Variants in ARHGAP20 observed in about 807,000 individuals in gnomAD.
The protein encoded by ARHGAP20 is rho GTPase-activating protein 20.
A neutral mutation model predicts 73.7 loss-of-function variants in ARHGAP20; 34 were observed. The ratio of observed to expected loss-of-function variants is 0.46; its 90% CI spans 0.35 to 0.61. The LOEUF (loss-of-function observed/expected upper bound fraction) is 0.61. Among genes scored for constraint, ARHGAP20 ranks in the 20% least tolerant of loss-of-function variants. The pLI is 0.00. For synonymous variants in ARHGAP20, 523 were observed against 518.2 expected (o/e 1.01, Z -0.13); for missense variants, 1,314 against 1,420.9 (o/e 0.92, Z 1.21).
At chr11:110,586,165 A>G (rs1344624170) in intron 12 of ARHGAP20, 51 bp downstream of exon 12, 3 of 960,084 alleles carry the variant, frequency 3.1e-6, no homozygotes, top group East Asian at 6.0e-5. Flanking sequence ...AAATAATCTT[A>G]TAAAATATTT....
chr11:110,711,608 C>T, intron 1 of ARHGAP20: 1 of 1,485,824 alleles, frequency 6.7e-7, no homozygotes, highest in Non-Finnish European at 8.9e-7. Flanking sequence ...CGCGCCTCGG[C>T]GGGCAGGTGA....
intron 2 of ARHGAP20, among the ~76,000 whole-genome samples, chr11:110,637,633 T>C (rs930496641): frequency 6.6e-6 from 1 of 152,118 alleles, no homozygotes. Context: ...GTGCCAGGCA[T>C]AGGAACTAGA....
In ARHGAP20 at chr11:110,711,536, G is replaced by C. The variant is rs932675323; in HGVS notation, c.105+591C>G. ...CACCTGGGAGACCCGGAATCATCCA[G>C]GACCCTGGTGTGGGGGGCAGTACTC... On this transcript the variant is annotated intron_variant, in intron 1 of 14. Coordinates refer to ENST00000683387, the MANE Select transcript of ARHGAP20 (RefSeq NM_001384657.1). The C allele has an allele frequency of 1.5e-5, 20 of 1,290,388 alleles. No homozygotes were observed. The Admixed American group carries it at 6.8e-4, about 44-fold the overall frequency. 79.9% of individuals were successfully genotyped at this position (1,290,388 alleles called of 1,614,324 possible). A position where few individuals can be genotyped will look rare whatever the true frequency, so the allele number is the denominator to read the frequency against.
At chr11:110,678,731 G>A (rs1380534913) in intron 2 of ARHGAP20, among the ~76,000 whole-genome samples, 1 of 152,040 alleles carries the variant, frequency 6.6e-6, no homozygotes, top group African/African-American at 2.4e-5. Context: ...GCACAATCAC[G>A]GCTCACTGCG....
At chr11:110,695,068 C>T (rs1950310678) in intron 1 of ARHGAP20, among the ~76,000 whole-genome samples, 1 of 151,562 alleles carries the variant, frequency 6.6e-6, no homozygotes, top group African/African-American at 2.4e-5. Flanking sequence ...CTTTGAGCTA[C>T]ATAGTAAACA....
intron 3 of ARHGAP20, among the ~76,000 whole-genome samples, chr11:110,626,147 T>C (rs1948739477): frequency 6.6e-6 from 1 of 152,248 alleles, no homozygotes; most frequent in Admixed American, 6.5e-5. Context: ...ATTTTATTTA[T>C]TGATGCCAAC....
chr11:110,621,661 AT>A (rs1302250526), intron 4 of ARHGAP20, among the ~76,000 whole-genome samples: 2 of 151,942 alleles, frequency 1.3e-5, no homozygotes, highest in African/African-American at 4.8e-5. Context: ...ATTAATTTAA[AT>A]TGAATTTTCC....
At chr11:110,625,445 A>G (rs1056160736) in intron 3 of ARHGAP20, among the ~76,000 whole-genome samples, 6 of 152,234 alleles carry the variant, frequency 3.9e-5, no homozygotes, top group African/African-American at 1.4e-4. Flanking sequence ...AGTGGCTACA[A>G]GATTTTCTAG....
chr11:110,648,172 AATATAT>A (rs201393164), intron 2 of ARHGAP20, among the ~76,000 whole-genome samples: 6 of 91,562 alleles, frequency 6.6e-5, no homozygotes, highest in South Asian at 3.7e-4. Flanking sequence ...TATATATGTA[AATATAT>A]ATATATATAT....
chr11:110,606,667 G>T lies in ARHGAP20; in HGVS notation c.858C>A (p.Thr286=). ...GGAAGGGCTCCTGGAGGTTGAAAGG[G>T]GTGGTAGAGTCCTTTGATCCCGGTG... ...LLTPGSKDST[T]PFNLQEPFLM... is the part of the protein sequence containing the mutation. The change falls in exon 9 of 15, where the codon ACC becomes ACA. Residue 286 remains threonine (T), a synonymous_variant. Coordinates refer to ENST00000683387, the MANE Select transcript of ARHGAP20 (RefSeq NM_001384657.1). 1 of 1,608,064 alleles carries T rather than the reference G, an allele frequency of 6.2e-7. No individual in the cohort carries two copies. Among genetic ancestry groups the T allele is most frequent in the Non-Finnish European group, 8.5e-7 (1 of 1,178,298 alleles).
chr11:110,591,630 G>A (rs1037391574), intron 10 of ARHGAP20, among the ~76,000 whole-genome samples: 1 of 151,892 alleles, frequency 6.6e-6, no homozygotes, highest in African/African-American at 2.4e-5. Flanking sequence ...CTAAGTGTAG[G>A]ATCGAGTAGT....
intron 2 of ARHGAP20, among the ~76,000 whole-genome samples, chr11:110,641,527 T>C (rs755545789): frequency 3.3e-5 from 5 of 151,958 alleles, no homozygotes; most frequent in Non-Finnish European, 5.9e-5. Flanking sequence ...AGACAACTAA[T>C]CAGGAAAAAT....
In ARHGAP20 at chr11:110,580,183, C is replaced by T; in HGVS notation, c.2763G>A (p.Lys921=). ...AAAGGTTTAATCTTGGGGGTAAAACCTTCTCAGTGTTTTGGTTTGTGGCAC... is the reference window on the plus strand; with the variant it reads ...AAAGGTTTAATCTTGGGGGTAAAACTTTCTCAGTGTTTTGGTTTGTGGCAC... ...KSSATNQNTE[K]VLPPRLNLCP... Residue 921 remains lysine, a synonymous_variant, in exon 15 of 15, where the codon AAG becomes AAA. Coordinates refer to ENST00000683387, the MANE Select transcript of ARHGAP20 (RefSeq NM_001384657.1). 6.2e-7 allele frequency: 1 copy of T among 1,614,112 alleles called. No individual in the cohort carries two copies. The highest frequency in any genetic ancestry group is 8.5e-7 in the Non-Finnish European group (1 of 1,180,012).
Position 110,579,220 on chromosome 11 carries a change from T to C in ARHGAP20, c.*150A>G. ...TAAAGTATTTGTCAAGTAGTCTCAA[T>C]AAAGAGAATTATTTCGTTGTCCTAA... On this transcript the variant is annotated 3_prime_UTR_variant, in exon 15 of 15. Coordinates refer to ENST00000683387, the MANE Select transcript of ARHGAP20 (RefSeq NM_001384657.1). 1 of 1,350,992 alleles carries C rather than the reference T, an allele frequency of 7.4e-7. No individual in the cohort carries two copies. 83.7% of individuals were successfully genotyped at this position (1,350,992 alleles called of 1,614,324 possible).
intron 3 of ARHGAP20, among the ~76,000 whole-genome samples, chr11:110,625,792 C>T (rs1297652881): frequency 6.6e-6 from 1 of 152,150 alleles, no homozygotes; most frequent in Non-Finnish European, 1.5e-5. Context: ...AAAGAGAATG[C>T]TCAGGAAAAC....
At chr11:110,594,772 C>T (rs1305292094) in intron 9 of ARHGAP20, among the ~76,000 whole-genome samples, 1 of 151,974 alleles carries the variant, frequency 6.6e-6, no homozygotes, top group Admixed American at 6.5e-5. Flanking sequence ...AGAGGGAATC[C>T]TCCCTAACTC....
chr11:110,602,977 A>C (rs1420345804), intron 9 of ARHGAP20, among the ~76,000 whole-genome samples: 1 of 152,198 alleles, frequency 6.6e-6, no homozygotes, highest in Non-Finnish European at 1.5e-5. Flanking sequence ...AAATGTGTGG[A>C]GCAGAAAAAG....
intron 2 of ARHGAP20, among the ~76,000 whole-genome samples, chr11:110,636,508 A>G (rs537247163): frequency 6.6e-6 from 1 of 152,212 alleles, no homozygotes; most frequent in South Asian, 2.1e-4. Context: ...TCCTCGTGAT[A>G]TTACTTTCAA....
Position 110,586,693 on chromosome 11 carries a change from CA to C in ARHGAP20, c.1306-369del, listed in dbSNP as rs1947676426. Among the ~76,000 whole-genome samples, 28 of 152,154 alleles carry C rather than the reference CA, an allele frequency of 1.8e-4. 1 individual carries two copies. ...AGACAGCTAGTTCAAGGAAATGTACCAAGGTATCTATGAGGTTCATTGTCTG... is the reference window on the plus strand; with the variant it reads ...AGACAGCTAGTTCAAGGAAATGTACCAGGTATCTATGAGGTTCATTGTCTG... On this transcript the variant is annotated intron_variant, in intron 11 of 14. Coordinates refer to ENST00000683387, the MANE Select transcript of ARHGAP20 (RefSeq NM_001384657.1).
Sources: allele counts gnomAD v4.1 joint callset (sites outside exome capture counted in the v4.1 genomes callset), GRCh38; gene constraint gnomAD v4.1.1; transcripts MANE v1.5; gene names NCBI Gene and HGNC (gene_info 2026-07-23, HGNC 2026-07-21).